The following STPG2 variants were observed in gnomAD, a reference collection of about 807,000 sequenced individuals.
The protein encoded by STPG2 is sperm-tail PG-rich repeat-containing protein 2.
STPG2 carries 56 observed loss-of-function variants against 54.2 expected under a neutral mutation model. The ratio of observed to expected loss-of-function variants is 1.03; its 90% CI spans 0.83 to 1.29. The LOEUF is 1.29. STPG2 is among the 50% of genes most tolerant of loss of function. The pLI, the probability that STPG2 is intolerant of heterozygous loss-of-function variation, is 0.00. For missense variants in STPG2, 596 were observed against 544.9 expected (o/e 1.09, Z -0.93); for synonymous variants, 200 against 181.8 (o/e 1.10, Z -0.81).
At chr4:97,909,105 C>CAAACAA (rs199837411) in intron 8 of STPG2, among the ~76,000 whole-genome samples, 1 of 150,304 alleles carries the variant, frequency 6.7e-6, no homozygotes, top group African/African-American at 2.4e-5. Context: ...AAAAGGCAAA[C>CAAACAA]AAACAAAAAC....
intron 9 of STPG2, among the ~76,000 whole-genome samples, chr4:97,758,220 A>T (rs1725787319): frequency 6.6e-6 from 1 of 152,180 alleles, no homozygotes; most frequent in Non-Finnish European, 1.5e-5. Flanking sequence ...TCTGCAAGGA[A>T]TGTGTAAAAG....
At chr4:97,823,874 A>G (rs1728169311) in intron 9 of STPG2, among the ~76,000 whole-genome samples, 1 of 152,138 alleles carries the variant, frequency 6.6e-6, no homozygotes, top group Admixed American at 6.5e-5. Context: ...CCTCTTACTA[A>G]AAGCAAGGAC....
chr4:98,028,895 C>T (rs1736509296), intron 5 of STPG2, among the ~76,000 whole-genome samples: 1 of 152,086 alleles, frequency 6.6e-6, no homozygotes, highest in South Asian at 2.1e-4. Flanking sequence ...TTCATTTTCA[C>T]ATAGCTTGAA....
chr4:97,468,554 C>T (rs576592415), intron 4 of STPG2, among the ~76,000 whole-genome samples: 2 of 152,114 alleles, frequency 1.3e-5, no homozygotes, highest in South Asian at 4.1e-4. Flanking sequence ...GCATGCACTA[C>T]TTTATAACGC....
intron 10 of STPG2, among the ~76,000 whole-genome samples, chr4:97,696,037 A>T (rs1414730531): frequency 6.6e-6 from 1 of 152,172 alleles, no homozygotes; most frequent in Non-Finnish European, 1.5e-5. Flanking sequence ...ATGAAACCAA[A>T]AAAAGAGCCC....
At chr4:97,943,060 C>A (rs1376397591) in intron 8 of STPG2, among the ~76,000 whole-genome samples, 2 of 152,240 alleles carry the variant, frequency 1.3e-5, no homozygotes, top group African/African-American at 4.8e-5. Flanking sequence ...AAGGCACAAG[C>A]AGACTCAGTA....
intron 10 of STPG2, among the ~76,000 whole-genome samples, chr4:97,563,375 C>T (rs1217063417): frequency 5.9e-5 from 9 of 151,922 alleles, no homozygotes; most frequent in African/African-American, 2.2e-4. Flanking sequence ...TTTGTTGATC[C>T]TTTCAAAAAA....
chr4:98,142,601 G>T (rs1049008976), intron 1 of STPG2, among the ~76,000 whole-genome samples: 3 of 151,978 alleles, frequency 2.0e-5, no homozygotes, highest in Non-Finnish European at 4.4e-5. Flanking sequence ...AAATAATACT[G>T]CAAAATAGAA....
chr4:98,124,046 A>C (rs981402662), intron 3 of STPG2, among the ~76,000 whole-genome samples: 3 of 151,964 alleles, frequency 2.0e-5, no homozygotes, highest in African/African-American at 7.3e-5. Context: ...ATGTTCCTCC[A>C]TCCCTTTATT....
chr4:97,664,831 G>T (rs1198573156), intron 10 of STPG2, among the ~76,000 whole-genome samples: 1 of 152,026 alleles, frequency 6.6e-6, no homozygotes. Context: ...CCACTCGGCT[G>T]GGCAGGCTGT....
At chr4:97,924,925 C>T (rs1732278859) in intron 8 of STPG2, among the ~76,000 whole-genome samples, 2 of 152,078 alleles carry the variant, frequency 1.3e-5, no homozygotes, top group Admixed American at 6.6e-5. Flanking sequence ...TGGATGGATG[C>T]CATAGATGCA....
chr4:97,581,631 A>T (rs960430702), intron 10 of STPG2, among the ~76,000 whole-genome samples: 12 of 152,090 alleles, frequency 7.9e-5, no homozygotes, highest in Non-Finnish European at 1.8e-4. Context: ...TTAACTCATC[A>T]ATTAAATTTC....
intron 4 of STPG2, among the ~76,000 whole-genome samples, chr4:97,442,529 G>A (rs562455509): frequency 1.3e-5 from 2 of 152,152 alleles, no homozygotes; most frequent in East Asian, 1.9e-4. Flanking sequence ...CTTTTTGAGG[G>A]TCTTCAGTGG....
intron 4 of STPG2, among the ~76,000 whole-genome samples, chr4:97,470,475 A>T (rs1729896322): frequency 6.6e-6 from 1 of 152,128 alleles, no homozygotes; most frequent in Non-Finnish European, 1.5e-5. Context: ...AATATATAGT[A>T]GTCCCCCTTC....
intron 8 of STPG2, among the ~76,000 whole-genome samples, chr4:97,854,262 GC>G (rs1207100113): frequency 1.3e-5 from 2 of 152,030 alleles, no homozygotes; most frequent in Non-Finnish European, 1.5e-5. Context: ...CCCCAAGTCA[GC>G]TTTTTTGCTG....
intron 1 of STPG2, among the ~76,000 whole-genome samples, chr4:98,142,635 AAAT>A (rs1325677301): frequency 6.6e-6 from 1 of 152,190 alleles, no homozygotes; most frequent in African/African-American, 2.4e-5. Flanking sequence ...CTTAATAAAT[AAAT>A]GTCTCTGGTT....
At chr4:97,731,614 T>C (rs1724798823) in intron 9 of STPG2, among the ~76,000 whole-genome samples, 1 of 152,108 alleles carries the variant, frequency 6.6e-6, no homozygotes, top group Non-Finnish European at 1.5e-5. Context: ...TGTGCCCAGA[T>C]GCCTGGGCTG....
intron 6 of STPG2, among the ~76,000 whole-genome samples, chr4:97,975,235 C>T (rs890259061): frequency 6.6e-6 from 1 of 151,928 alleles, no homozygotes; most frequent in African/African-American, 2.4e-5. Flanking sequence ...CATACATCTA[C>T]CAAAATTCAT....
intron 10 of STPG2, among the ~76,000 whole-genome samples, chr4:97,650,206 A>T (rs1337135362): frequency 6.6e-6 from 1 of 152,158 alleles, no homozygotes; most frequent in African/African-American, 2.4e-5. Context: ...TGCCTGCCAC[A>T]TACCTCCTGC....
Sources: gnomAD v4.1 joint callset for allele counts (sites outside exome capture counted in the v4.1 genomes callset) on GRCh38, gnomAD v4.1.1 for gene constraint, MANE v1.5 for transcripts, NCBI Gene and HGNC (gene_info 2026-07-23, HGNC 2026-07-21) for gene names.